GRM8: variants seen among roughly 807,000 people sequenced by gnomAD.
GRM8 encodes metabotropic glutamate receptor 8.
GRM8 carries 47 observed loss-of-function variants against 87.2 expected under a neutral mutation model. That is an observed-to-expected ratio of 0.54 (90% CI 0.43 to 0.69). GRM8 has a LOEUF of 0.69. Ranked by LOEUF, GRM8 falls within the 30% of genes least tolerant of loss-of-function variation. GRM8 has a pLI of 0.00. For synonymous variants in GRM8, 396 were observed against 404.5 expected, an observed-to-expected ratio of 0.98 and a Z score of 0.25; for missense variants, 1,019 against 1,139.2, an observed-to-expected ratio of 0.89 and a Z score of 1.52.
rs28951981 is a variant in GRM8 at position 127,035,695 on chromosome 7, C to A, written c.727+70801G>T. ...ATGGTGTGGCAACTTACAAGCTGCC[C>A]TTTGACATAATTGGAATCTGTGATG... On this transcript the variant is annotated intron_variant, in intron 3 of 10. Transcript: ENST00000339582. Among the ~76,000 whole-genome samples, 81 of 152,296 alleles carry A rather than the reference C, an allele frequency of 5.3e-4. 1 individual carries two copies. In the East Asian group the frequency reaches 0.016, roughly 29 times the overall value.
chr7:127,035,147 C>A (rs983566635), intron 3 of GRM8, among the ~76,000 whole-genome samples: 2 of 152,098 alleles, frequency 1.3e-5, no homozygotes, highest in Admixed American at 1.3e-4. Flanking sequence ...TTTTAGACAA[C>A]GAATGATACT....
chr7:126,637,471 A>T (rs557747900), intron 7 of GRM8, among the ~76,000 whole-genome samples: 14 of 151,734 alleles, frequency 9.2e-5, no homozygotes, highest in South Asian at 6.2e-4. Context: ...ACTGTAATTT[A>T]AAAAAAAGAA....
At chr7:126,529,456 A>C (rs1394566194) in intron 9 of GRM8, among the ~76,000 whole-genome samples, 1 of 152,236 alleles carries the variant, frequency 6.6e-6, no homozygotes, top group Non-Finnish European at 1.5e-5. Flanking sequence ...GAGTGAGTAG[A>C]GGGAGGAGTC....
intron 1 of GRM8, among the ~76,000 whole-genome samples, chr7:127,245,255 C>G (rs945332161): frequency 2.6e-5 from 4 of 152,188 alleles, no homozygotes; most frequent in Non-Finnish European, 5.9e-5. Context: ...ATAGTAAAAC[C>G]TCATTAACTC....
rs1476932748 is a variant in GRM8, at chr7:127,240,426, A to C, written c.510+2269T>G. ...TTGCAGATTGGCTGATTCTATGGCAAAAAAAAAAAAAAAATGCAAACAAGC... is the reference window on the plus strand; with the variant it reads ...TTGCAGATTGGCTGATTCTATGGCACAAAAAAAAAAAAAATGCAAACAAGC... On this transcript the variant is annotated intron_variant, in intron 2 of 10. Coordinates refer to ENST00000339582, the MANE Select transcript of GRM8 (RefSeq NM_000845.3). Among the ~76,000 whole-genome samples, 3 of 20,944 alleles carry C rather than the reference A, an allele frequency of 1.4e-4. No homozygotes were observed. The East Asian group carries it at 0.14, about 952-fold the overall frequency. The allele number at this position is 20,944 out of a possible 152,430, so 13.7% of individuals were successfully genotyped here.
At chr7:126,889,108 TA>T (rs1433739915) in intron 6 of GRM8, among the ~76,000 whole-genome samples, 1 of 152,142 alleles carries the variant, frequency 6.6e-6, no homozygotes, top group East Asian at 1.9e-4. Context: ...GTTTGACATT[TA>T]AGCTCAATAG....
At chr7:126,449,670 G>T (rs968813118) in intron 9 of GRM8, among the ~76,000 whole-genome samples, 3 of 151,816 alleles carry the variant, frequency 2.0e-5, no homozygotes, top group African/African-American at 7.2e-5. Context: ...CATATTTACT[G>T]CCTGGGCCAC....
chr7:127,044,078 C>A (rs1177240166), intron 3 of GRM8, among the ~76,000 whole-genome samples: 1 of 152,206 alleles, frequency 6.6e-6, no homozygotes. Context: ...AGGGGTTCCC[C>A]CAGCAGCACT....
intron 8 of GRM8, among the ~76,000 whole-genome samples, chr7:126,558,006 CAT>C (rs1362582334): frequency 2.6e-5 from 4 of 152,166 alleles, no homozygotes; most frequent in Admixed American, 1.3e-4. Context: ...TTCATACTAA[CAT>C]ATGGCATCTG....
chr7:126,528,614 T>TTGTGTGTGTG (rs59437677), intron 9 of GRM8, among the ~76,000 whole-genome samples: 4,963 of 149,134 alleles, frequency 0.033, 86 homozygotes, highest in South Asian at 0.048. Context: ...ACAAAAGAAG[T>TTGTGTGTGTG]TGTGTGTGTG....
intron 6 of GRM8, among the ~76,000 whole-genome samples, chr7:126,877,406 T>C (rs1312277065): frequency 6.6e-6 from 1 of 152,166 alleles, no homozygotes; most frequent in Non-Finnish European, 1.5e-5. Context: ...TAAAATTAAA[T>C]AGAATAAAAA....
chr7:126,457,865 G>T (rs536339490), intron 9 of GRM8, among the ~76,000 whole-genome samples: 8 of 150,296 alleles, frequency 5.3e-5, no homozygotes, highest in African/African-American at 1.9e-4. Context: ...AAAATCTTTG[G>T]AAAGACTGTA....
At chr7:127,096,142 G>A (rs577239104) in intron 3 of GRM8, among the ~76,000 whole-genome samples, 1 of 152,316 alleles carries the variant, frequency 6.6e-6, no homozygotes, top group African/African-American at 2.4e-5. Context: ...ATGCAAGAAT[G>A]GGCTGCCCTT....
intron 5 of GRM8, 68 bp from the exon 6 acceptor site, chr7:126,902,747 T>C (rs1802225625): frequency 8.8e-7 from 1 of 1,134,080 alleles, no homozygotes; most frequent in Admixed American, 2.5e-5. Context: ...AACTTTCGAA[T>C]GGACATTATA....
intron 7 of GRM8, 21 bp downstream of exon 7, chr7:126,769,844 C>T (rs949661197): frequency 1.4e-6 from 2 of 1,446,692 alleles, no homozygotes; most frequent in Non-Finnish European, 1.9e-6. Context: ...TGTATTTAGA[C>T]ACACACACGT....
At chr7:126,903,571 C>T (rs1375496178) in intron 5 of GRM8, among the ~76,000 whole-genome samples, 461 of 30,958 alleles carry the variant, frequency 0.015, 8 homozygotes, top group African/African-American at 0.035. Flanking sequence ...TACATACACA[C>T]ACACACACAC....
At chr7:127,138,542 G>C (rs1009623260) in intron 2 of GRM8, among the ~76,000 whole-genome samples, 1 of 152,092 alleles carries the variant, frequency 6.6e-6, no homozygotes, top group Admixed American at 6.5e-5. Context: ...TCATCTGAGT[G>C]ATCCCAGGGC....
At chr7:127,149,178 T>C (rs148323521) in intron 2 of GRM8, among the ~76,000 whole-genome samples, 31 of 152,138 alleles carry the variant, frequency 2.0e-4, no homozygotes, top group African/African-American at 6.7e-4. Flanking sequence ...ACTATATATC[T>C]GATAAGGAGT....
chr7:126,785,937 C>A (rs1820583091), intron 6 of GRM8, among the ~76,000 whole-genome samples: 1 of 152,090 alleles, frequency 6.6e-6, no homozygotes, highest in South Asian at 2.1e-4. Context: ...CTATGATCTC[C>A]TTGTGTCTAA....
Sources: gnomAD v4.1 joint callset for allele counts (sites outside exome capture counted in the v4.1 genomes callset) on GRCh38, gnomAD v4.1.1 for gene constraint, MANE v1.5 for transcripts, NCBI Gene and HGNC (gene_info 2026-07-23, HGNC 2026-07-21) for gene names.